Variants in UPP2 observed in about 807,000 individuals in gnomAD.
The protein encoded by UPP2 is UPase 2.
Under a neutral mutation model 26.7 loss-of-function variants are expected in UPP2, and 23 were observed. The observed-to-expected ratio is 0.86, with a 90% confidence interval of 0.62 to 1.22. The LOEUF is 1.22. UPP2 is among the 50% of genes most tolerant of loss of function. The probability of loss-of-function intolerance (pLI) is 0.00; values close to 1 mark genes in which losing one functional copy is unlikely to be tolerated. For missense variants in UPP2, 387 were observed against 396.7 expected (o/e 0.98, Z 0.21); for synonymous variants, 127 against 141.3 (o/e 0.90, Z 0.72).
intron 3 of UPP2, among the ~76,000 whole-genome samples, chr2:158,052,336 G>A (rs868654512): frequency 2.6e-5 from 4 of 152,202 alleles, no homozygotes; most frequent in Non-Finnish European, 4.4e-5. Flanking sequence ...ATCAAATGAA[G>A]CTGTAGTAGA....
intron 1 of UPP2, among the ~76,000 whole-genome samples, chr2:158,105,075 C>A (rs1683163307): frequency 7.2e-6 from 1 of 138,588 alleles, no homozygotes. Flanking sequence ...AATGGAGGAA[C>A]AAAGAACAAA....
At chr2:158,045,045 C>G in intron 3 of UPP2, among the ~76,000 whole-genome samples, 1 of 152,122 alleles carries the variant, frequency 6.6e-6, no homozygotes, top group South Asian at 2.1e-4. Context: ...ACCTTTCCAC[C>G]TTTTTCCTGA....
At chr2:158,019,145 A>C (rs1485164694) in intron 3 of UPP2, among the ~76,000 whole-genome samples, 1 of 152,216 alleles carries the variant, frequency 6.6e-6, no homozygotes, top group African/African-American at 2.4e-5. Flanking sequence ...TTGATCTAAA[A>C]TCAGGAGCAC....
intron 6 of UPP2, chr2:158,127,952 GTC>G: frequency 1.0e-6 from 1 of 973,748 alleles, no homozygotes; most frequent in Non-Finnish European, 1.2e-6. Flanking sequence ...ACATATCTGT[GTC>G]TCTCTTAAAG....
chr2:158,003,721 A>T (rs1027619789), intron 2 of UPP2, among the ~76,000 whole-genome samples: 3 of 151,710 alleles, frequency 2.0e-5, no homozygotes, highest in Admixed American at 1.3e-4. Flanking sequence ...AAATAAAAAA[A>T]AAAAAAAAAG....
At chr2:158,098,498 A>G (rs1683022628), upstream of UPP2, among the ~76,000 whole-genome samples, 2 of 152,310 alleles carry the variant, frequency 1.3e-5, no homozygotes, top group African/African-American at 4.8e-5. Flanking sequence ...TCAAGGACCC[A>G]TAGACTACAC....
chr2:158,060,065 A>G (rs1183500652), intron 3 of UPP2, among the ~76,000 whole-genome samples: 1 of 152,110 alleles, frequency 6.6e-6, no homozygotes, highest in Non-Finnish European at 1.5e-5. Context: ...TTTCAACCAC[A>G]TCTGATTTGT....
At chr2:158,050,351 AAC>A (rs1487114622) in intron 3 of UPP2, among the ~76,000 whole-genome samples, 1 of 152,194 alleles carries the variant, frequency 6.6e-6, no homozygotes, top group Non-Finnish European at 1.5e-5. Context: ...CTGAGAAGTA[AAC>A]AGTTTGGCTC....
At chr2:158,038,370 G>T (rs1386924615) in intron 3 of UPP2, among the ~76,000 whole-genome samples, 2 of 152,170 alleles carry the variant, frequency 1.3e-5, no homozygotes, top group Non-Finnish European at 2.9e-5. Context: ...TAAAATAGTT[G>T]ATTTCAAAGA....
Position 158,134,837 on chromosome 2 carries a change from C to T in UPP2, c.901C>T (p.Pro301Ser), listed in dbSNP as rs1056017545. 3 of 1,613,678 alleles carry T rather than the reference C, an allele frequency of 1.9e-6. No homozygotes were observed. Among genetic ancestry groups the T allele is most frequent in the Non-Finnish European group, 2.5e-6 (3 of 1,179,754 alleles). Residue 301 changes from proline (P) to serine (S), a missense_variant, in exon 7 of 7, where the codon CCT (proline) becomes TCT (serine). By Grantham distance (74) the Pro-to-Ser change is moderately conservative. Transcript: ENST00000005756. Reference protein sequence around the residue: ...HDVLVEYQQRPQLLISNFIRR... With the variant: ...HDVLVEYQQRSQLLISNFIRR... ...TGTCCTGGTGGAGTACCAGCAACGG[C>T]CTCAGCTCCTAATCTCCAACTTCAT...
At chr2:158,122,038 C>G (rs1683580520) in intron 5 of UPP2, among the ~76,000 whole-genome samples, 1 of 151,932 alleles carries the variant, frequency 6.6e-6, no homozygotes, top group Non-Finnish European at 1.5e-5. Context: ...GGAGGGGGTA[C>G]AAATCCCACG....
intron 1 of UPP2, among the ~76,000 whole-genome samples, chr2:158,102,470 C>A (rs1356172869): frequency 6.6e-6 from 1 of 152,152 alleles, no homozygotes; most frequent in East Asian, 1.9e-4. Context: ...AGACCATGGG[C>A]TGCAAATGAG....
chr2:158,103,501 G>T (rs559666212), intron 1 of UPP2, among the ~76,000 whole-genome samples: 18 of 152,196 alleles, frequency 1.2e-4, no homozygotes, highest in East Asian at 1.2e-3. Flanking sequence ...AAGTGCCCCT[G>T]GTGGTTCTGA....
chr2:158,066,826 T>G (rs1682443500), intron 3 of UPP2, among the ~76,000 whole-genome samples: 1 of 152,174 alleles, frequency 6.6e-6, no homozygotes, highest in South Asian at 2.1e-4. Flanking sequence ...AGGCAGGGAC[T>G]GAGAAAAGAA....
At chr2:158,066,092 C>T in intron 3 of UPP2, 3 of 246,978 alleles carry the variant, frequency 1.2e-5, no homozygotes, top group East Asian at 2.2e-4. Context: ...GATGCTATTG[C>T]CTTGGAAGTG....
In UPP2 at chr2:158,102,119, A is replaced by G. The variant is rs2105210597; in HGVS notation, c.56A>G (p.Tyr19Cys). The G allele has an allele frequency of 6.2e-7, 1 of 1,611,968 alleles. No individual in the cohort carries two copies. The highest frequency in any genetic ancestry group is 8.5e-7 in the Non-Finnish European group (1 of 1,179,326). ...NRSMRSDRNT[Y>C]VGKRFVHVKN... The stretch of plus-strand genomic sequence containing the variant: ...TCCATGAGATCTGACAGGAATACAT[A>G]TGTTGGGTGAGTAATTTTGATTTTG... Residue 19 changes from tyrosine to cysteine, a missense_variant, in exon 1 of 7, where the codon TAT becomes TGT. Tyr to Cys is a radical substitution (Grantham distance 194). Transcript: ENST00000005756.
intron 6 of UPP2, among the ~76,000 whole-genome samples, chr2:158,130,250 G>A (rs1183523652): frequency 1.3e-5 from 2 of 152,006 alleles, no homozygotes; most frequent in Admixed American, 6.6e-5. Context: ...AGACCATCCT[G>A]GCTAACATGG....
At chr2:158,003,034 CAT>C (rs1683433444) in intron 2 of UPP2, among the ~76,000 whole-genome samples, 1 of 152,104 alleles carries the variant, frequency 6.6e-6, no homozygotes, top group African/African-American at 2.4e-5. Context: ...AAGATGCTAA[CAT>C]ATTAAGTTTG....
chr2:157,999,458 G>A (rs1258782182), intron 2 of UPP2, among the ~76,000 whole-genome samples: 3 of 152,178 alleles, frequency 2.0e-5, no homozygotes, highest in Non-Finnish European at 4.4e-5. Context: ...GATTACAAGT[G>A]TGAGACACCT....
Sources: gnomAD v4.1 joint callset for allele counts (sites outside exome capture counted in the v4.1 genomes callset) on GRCh38, gnomAD v4.1.1 for gene constraint, MANE v1.5 for transcripts, NCBI Gene and HGNC (gene_info 2026-07-23, HGNC 2026-07-21) for gene names.